The following CRYL1 variants were observed in gnomAD, a reference collection of about 807,000 sequenced individuals.
CRYL1 encodes crystallin lambda 1, also known as lambda-crystallin homolog.
Under a neutral mutation model 36.6 loss-of-function variants are expected in CRYL1, and 29 were observed. The observed-to-expected ratio is 0.79, with a 90% CI of 0.59 to 1.08. The LOEUF (loss-of-function observed/expected upper bound fraction) is 1.08. Ranked by LOEUF, CRYL1 falls within the 50% of genes least tolerant of loss-of-function variation. The pLI is 0.00. For synonymous variants in CRYL1, 152 were observed against 151.5 expected (o/e 1.00, Z -0.02); for missense variants, 411 against 407.9 (o/e 1.01, Z -0.06).
chr13:20,421,443 T>G (rs1458330340), intron 5 of CRYL1, among the ~76,000 whole-genome samples: 2 of 152,296 alleles, frequency 1.3e-5, no homozygotes, highest in African/African-American at 4.8e-5. Context: ...GCCCCATATC[T>G]GCCTACTCCC....
At chr13:20,417,416 G>A (rs905600437) in intron 5 of CRYL1, among the ~76,000 whole-genome samples, 4 of 152,158 alleles carry the variant, frequency 2.6e-5, no homozygotes, top group Non-Finnish European at 2.9e-5. Flanking sequence ...ACAGCTGTGC[G>A]GAGATGGGAA....
chr13:20,515,537 T>G (rs1483975697), intron 1 of CRYL1, among the ~76,000 whole-genome samples: 1 of 151,054 alleles, frequency 6.6e-6, no homozygotes, highest in Admixed American at 6.6e-5. Flanking sequence ...ATGTAGGGAG[T>G]TGCCTTAAGG....
intron 4 of CRYL1, among the ~76,000 whole-genome samples, chr13:20,437,571 G>A (rs912179420): frequency 5.3e-5 from 8 of 152,072 alleles, no homozygotes; most frequent in East Asian, 1.9e-4. Flanking sequence ...CCTCCCAAAG[G>A]GGAAGATTAA....
intron 1 of CRYL1, among the ~76,000 whole-genome samples, chr13:20,517,708 G>A (rs1030799445): frequency 2.0e-5 from 3 of 152,040 alleles, no homozygotes; most frequent in East Asian, 1.9e-4. Context: ...AGGCCGAGGC[G>A]GGTGGATCAC....
intron 3 of CRYL1, among the ~76,000 whole-genome samples, chr13:20,474,934 C>T (rs1416927095): frequency 6.6e-6 from 1 of 152,180 alleles, no homozygotes; most frequent in Non-Finnish European, 1.5e-5. Context: ...GGCTCCCCTG[C>T]CTCAGGGTCA....
chr13:20,436,542 A>C (rs2032221448), intron 4 of CRYL1, among the ~76,000 whole-genome samples: 1 of 152,092 alleles, frequency 6.6e-6, no homozygotes, highest in South Asian at 2.1e-4. Context: ...GGAGAAGAAA[A>C]TGTCCACAAC....
intron 5 of CRYL1, among the ~76,000 whole-genome samples, chr13:20,423,538 T>C (rs1014445886): frequency 6.6e-6 from 1 of 152,232 alleles, no homozygotes; most frequent in Admixed American, 6.5e-5. Flanking sequence ...TGTCCTGTAT[T>C]CTGTTAACAT....
chr13:20,420,679 T>A (rs2031778787), intron 5 of CRYL1, among the ~76,000 whole-genome samples: 1 of 126,822 alleles, frequency 7.9e-6, no homozygotes, highest in Admixed American at 8.8e-5. Context: ...TTTTTCCCTT[T>A]GACTTTTCTT....
chr13:20,479,847 A>G (rs1290692508), intron 3 of CRYL1, among the ~76,000 whole-genome samples: 4 of 152,196 alleles, frequency 2.6e-5, no homozygotes, highest in African/African-American at 4.8e-5. Context: ...CTGGGGACAG[A>G]GCATTGAGTA....
intron 6 of CRYL1, among the ~76,000 whole-genome samples, chr13:20,409,980 C>A (rs1416787336): frequency 6.6e-6 from 1 of 151,720 alleles, no homozygotes; most frequent in Admixed American, 6.6e-5. Flanking sequence ...TGTGGCGATT[C>A]CTCAGGGATC....
At chr13:20,405,838 C>A (rs909830274) in intron 6 of CRYL1, 2 of 152,318 alleles carry the variant, frequency 1.3e-5, no homozygotes, top group Admixed American at 1.3e-4. Context: ...CAGGGGAAAG[C>A]GCAGGCCAGT....
At chr13:20,429,972 G>C (rs2032019585) in intron 5 of CRYL1, among the ~76,000 whole-genome samples, 1 of 152,158 alleles carries the variant, frequency 6.6e-6, no homozygotes, top group Non-Finnish European at 1.5e-5. Context: ...TGATGGTCAA[G>C]GTCAGCACCA....
intron 5 of CRYL1, among the ~76,000 whole-genome samples, chr13:20,424,805 G>A (rs189657252): frequency 3.9e-5 from 6 of 152,246 alleles, no homozygotes; most frequent in Middle Eastern, 3.4e-3. Flanking sequence ...AGGAAGAAAA[G>A]GCAGCGCTGA....
At chr13:20,518,767 G>T (rs546435830) in intron 1 of CRYL1, among the ~76,000 whole-genome samples, 1 of 152,180 alleles carries the variant, frequency 6.6e-6, no homozygotes, top group East Asian at 1.9e-4. Flanking sequence ...AGGCAGAGGG[G>T]GTGCTGGAAA....
intron 3 of CRYL1, among the ~76,000 whole-genome samples, chr13:20,470,866 T>C (rs146429957): frequency 0.01 from 1,409 of 137,290 alleles, 22 homozygotes; most frequent in African/African-American, 0.037. Flanking sequence ...GCTGAGATCG[T>C]GCCACTGCAC....
At chr13:20,520,673 G>A (rs923740323) in intron 1 of CRYL1, among the ~76,000 whole-genome samples, 1 of 151,948 alleles carries the variant, frequency 6.6e-6, no homozygotes, top group African/African-American at 2.4e-5. Flanking sequence ...ACCCCTTCAC[G>A]CCCACACACT....
rs868446738 is a variant in CRYL1, at chr13:20,444,785, C to T, written c.277-5031G>A. 3.3e-5 allele frequency among the ~76,000 whole-genome samples: 5 copies of T among 152,274 alleles called. No individual in the cohort carries two copies. In the Middle Eastern group the frequency reaches 0.01, roughly 311 times the overall value. On this transcript the variant is annotated intron_variant, in intron 3 of 7. Transcript: ENST00000298248. The stretch of plus-strand genomic sequence containing the variant: ...AGGCTGGAGTGCAGTGGTGCGATCT[C>T]GGCTCACTGCAACCTCTGCCTCTCA...
chr13:20,429,456 T>C lies in CRYL1; in HGVS notation c.633+2646A>G, dbSNP rs114078444. 2.8e-3 allele frequency among the ~76,000 whole-genome samples: 426 copies of C among 152,256 alleles called. 1 individual carries two copies. The highest frequency in any genetic ancestry group is 8.9e-3 in the African/African-American group (369 of 41,536). ...GAGGTGAGGCCCTGGAGAGGTTTGT[T>C]CACTTTTGCTGACTTGCAGTATCTG... is the stretch of plus-strand genomic sequence containing the variant. On this transcript the variant is annotated intron_variant, in intron 5 of 7. Coordinates refer to ENST00000298248, the MANE Select transcript of CRYL1 (RefSeq NM_015974.3).
At chr13:20,459,129 G>A (rs568007441) in intron 3 of CRYL1, among the ~76,000 whole-genome samples, 1 of 151,644 alleles carries the variant, frequency 6.6e-6, no homozygotes, top group Admixed American at 6.6e-5. Context: ...CCGGCTACTC[G>A]GGAGGCTGAG....
Sources: gnomAD v4.1 joint callset for allele counts (sites outside exome capture counted in the v4.1 genomes callset) on GRCh38, gnomAD v4.1.1 for gene constraint, MANE v1.5 for transcripts, NCBI Gene and HGNC (gene_info 2026-07-23, HGNC 2026-07-21) for gene names.